The following CSNK1G2 variants were observed in gnomAD, a reference collection of about 807,000 sequenced individuals.
The protein encoded by CSNK1G2 is casein kinase 1 gamma 2, also known as casein kinase I isoform gamma-2.
Under a neutral mutation model 48.0 loss-of-function variants are expected in CSNK1G2, and 11 were observed. That is an observed-to-expected ratio of 0.23 (90% CI 0.14 to 0.38). CSNK1G2 has a LOEUF of 0.38. Ranked by LOEUF, CSNK1G2 falls within the 10% of genes least tolerant of loss-of-function variation. The pLI is 1.00. For synonymous variants in CSNK1G2, 337 were observed against 254.1 expected, an observed-to-expected ratio of 1.33 and a Z score of -3.10; for missense variants, 446 against 595.5, an observed-to-expected ratio of 0.75 and a Z score of 2.61.
intron 2 of CSNK1G2, among the ~76,000 whole-genome samples, chr19:1,973,949 A>G (rs1020665833): frequency 3.3e-5 from 5 of 151,904 alleles, no homozygotes; most frequent in Admixed American, 6.6e-5. Flanking sequence ...GTGCAGTGGT[A>G]CTATCTTGGC....
At chr19:1,970,870 G>A (rs1276499876) in intron 2 of CSNK1G2, among the ~76,000 whole-genome samples, 1 of 152,308 alleles carries the variant, frequency 6.6e-6, no homozygotes, top group South Asian at 2.1e-4. Flanking sequence ...TCGGCCTCAC[G>A]TGGGCACCCA....
intron 1 of CSNK1G2, among the ~76,000 whole-genome samples, chr19:1,967,668 T>A (rs1182102306): frequency 9.1e-6 from 1 of 109,690 alleles, no homozygotes; most frequent in African/African-American, 4.8e-5. Context: ...GTTCTGCAGG[T>A]GGGGCTCCTC....
At position 1,970,075 on chromosome 19, in the gene CSNK1G2, C is replaced by T. The variant is rs538802286; in HGVS notation, c.187+116C>T. ...CACTGGAGCCTCTGGCGGGGCCGCCCCATGTCACTGGCAGGTGCGTTGAAT... is the reference window on the plus strand; with the variant it reads ...CACTGGAGCCTCTGGCGGGGCCGCCTCATGTCACTGGCAGGTGCGTTGAAT... On this transcript the variant is annotated intron_variant, in intron 2 of 11. Coordinates refer to ENST00000255641, the MANE Select transcript of CSNK1G2 (RefSeq NM_001319.7). 3.5e-5 allele frequency: 27 copies of T among 766,062 alleles called. No individual in the cohort carries two copies. In the East Asian group the frequency reaches 6.0e-4, roughly 17 times the overall value. 47.5% of individuals were successfully genotyped at this position (766,062 alleles called of 1,614,324 possible).
At chr19:1,959,017 T>G (rs1327344438) in intron 1 of CSNK1G2, among the ~76,000 whole-genome samples, 1 of 145,788 alleles carries the variant, frequency 6.9e-6, no homozygotes, top group Non-Finnish European at 1.5e-5. Flanking sequence ...CCAGTCTGCA[T>G]CTCCATCTGC....
At position 1,979,946 on chromosome 19, in the gene CSNK1G2, C is replaced by G. The variant is rs150006074; in HGVS notation, c.1122C>G (p.Asp374Glu). 1 of 1,601,152 alleles carries G rather than the reference C, an allele frequency of 6.2e-7. No homozygotes were observed. The highest frequency in any genetic ancestry group is 8.5e-7 in the Non-Finnish European group (1 of 1,173,322). Residue 374 changes from aspartate to glutamate, a missense_variant, in exon 11 of 12, where the codon GAC becomes GAG. Transcript: ENST00000255641. ...CCACCAACGGGGAGCTGAATGCGGACGACCCCACGGCCGGCCACTCCAACG... is the reference window on the plus strand; with the variant it reads ...CCACCAACGGGGAGCTGAATGCGGAGGACCCCACGGCCGGCCACTCCAACG... ...LNSTNGELNA[D>E]DPTAGHSNAP...
intron 1 of CSNK1G2, among the ~76,000 whole-genome samples, chr19:1,958,232 G>A (rs1359531417): frequency 6.6e-6 from 1 of 151,820 alleles, no homozygotes; most frequent in East Asian, 1.9e-4. Context: ...TCTGTCCAGA[G>A]CACGGCTTCC....
intron 1 of CSNK1G2, among the ~76,000 whole-genome samples, chr19:1,964,733 G>GTTTTTTTTTTTTTT (rs750542107): frequency 7.2e-6 from 1 of 139,450 alleles, no homozygotes; most frequent in Non-Finnish European, 1.6e-5. Flanking sequence ...TTGTTTTTTT[G>GTTTTTTTTTTTTTT]TTTTTTTTTT....
At chr19:1,976,987 C>T (rs1034691665) in intron 2 of CSNK1G2, among the ~76,000 whole-genome samples, 3 of 152,208 alleles carry the variant, frequency 2.0e-5, no homozygotes, top group East Asian at 1.9e-4. Context: ...GATCCGCCTG[C>T]GTCAGCCTCC....
At chr19:1,979,281 C>G (rs766073943) in intron 7 of CSNK1G2, 33 bp downstream of exon 7, 2 of 1,570,480 alleles carry the variant, frequency 1.3e-6, no homozygotes, top group African/African-American at 1.4e-5. Flanking sequence ...CGGGCGGGGA[C>G]GCAGGGCGGG....
At chr19:1,953,796 C>T (rs1209335806) in intron 1 of CSNK1G2, 2 of 502,872 alleles carry the variant, frequency 4.0e-6, no homozygotes, top group East Asian at 5.6e-5. Context: ...AGGGTCCGGT[C>T]CTGGCCGCTG....
intron 2 of CSNK1G2, chr19:1,975,819 TGAC>T: frequency 1.0e-6 from 1 of 963,140 alleles, no homozygotes; most frequent in Non-Finnish European, 1.2e-6. Context: ...GCGGATCACC[TGAC>T]GTCAGGAGTT....
intron 1 of CSNK1G2, chr19:1,942,632 G>A (rs1482413837): frequency 6.6e-6 from 1 of 151,640 alleles, no homozygotes; most frequent in Non-Finnish European, 1.5e-5. Context: ...GCTCCTGTCT[G>A]GGGGAAAAAC....
rs1333444476 is a variant in CSNK1G2 at position 1,959,742 on chromosome 19, C to T, written c.-265-9766C>T. On this transcript the variant is annotated intron_variant, in intron 1 of 11. Coordinates refer to ENST00000255641, the MANE Select transcript of CSNK1G2 (RefSeq NM_001319.7). ...CTGAGTCCTCCAGCACCTGTGCCAC[C>T]TTTAGTGCCACCGTGGGTCCCCCAG... is the stretch of plus-strand genomic sequence containing the variant. 3.7e-5 allele frequency among the ~76,000 whole-genome samples: 4 copies of T among 108,222 alleles called. 1 individual carries two copies. The highest frequency in any genetic ancestry group is 6.8e-5 in the Non-Finnish European group (4 of 59,200). The allele number at this position is 108,222 out of a possible 152,430, so 71.0% of individuals were successfully genotyped here. A position where few individuals can be genotyped will look rare whatever the true frequency, so the allele number is the denominator to read the frequency against.
intron 1 of CSNK1G2, among the ~76,000 whole-genome samples, chr19:1,949,075 G>A (rs997269804): frequency 2.6e-5 from 4 of 152,164 alleles, no homozygotes; most frequent in Non-Finnish European, 4.4e-5. Context: ...AGAGGCTGGC[G>A]CCCTCAGGGC....
intron 1 of CSNK1G2, among the ~76,000 whole-genome samples, chr19:1,966,245 G>A (rs1368786456): frequency 1.3e-5 from 2 of 152,214 alleles, no homozygotes; most frequent in African/African-American, 2.4e-5. Flanking sequence ...TGAAGGACAC[G>A]CGTGATCCAT....
At chr19:1,977,533 G>A (rs1157097433) in intron 2 of CSNK1G2, among the ~76,000 whole-genome samples, 2 of 152,136 alleles carry the variant, frequency 1.3e-5, no homozygotes, top group African/African-American at 2.4e-5. Flanking sequence ...CAGGCAGATC[G>A]CTTGAGCTCA....
intron 1 of CSNK1G2, chr19:1,952,651 C>T (rs554053035): frequency 7.0e-5 from 12 of 172,458 alleles, no homozygotes; most frequent in African/African-American, 2.6e-4. Flanking sequence ...CCTTGAAGGC[C>T]CTTGATAGAT....
Position 1,980,331 on chromosome 19 carries a change from T to C in CSNK1G2, c.*128T>C, listed in dbSNP as rs1484101162. 8.4e-7 allele frequency: 1 copy of C among 1,192,136 alleles called. No homozygotes were observed. The highest frequency in any genetic ancestry group is 1.2e-6 in the Non-Finnish European group (1 of 818,256). The allele number at this position is 1,192,136 out of a possible 1,614,324, so 73.8% of individuals were successfully genotyped here. A position where few individuals can be genotyped will look rare whatever the true frequency, so the allele number is the denominator to read the frequency against. On this transcript the variant is annotated 3_prime_UTR_variant, in exon 12 of 12. Transcript: ENST00000255641. ...CCTGGCTGGAAGCCAGAACGCAGACTGCAGGGGCCGCGCCTGGCTCAGGCG... is the reference window on the plus strand; with the variant it reads ...CCTGGCTGGAAGCCAGAACGCAGACCGCAGGGGCCGCGCCTGGCTCAGGCG...
chr19:1,978,673 C>T lies in CSNK1G2; in HGVS notation c.370C>T (p.Pro124Ser). 6.2e-7 allele frequency: 1 copy of T among 1,607,226 alleles called. No individual in the cohort carries two copies. Among genetic ancestry groups the T allele is most frequent in the Non-Finnish European group, 8.5e-7 (1 of 1,177,276 alleles). The change falls in exon 5 of 12, where the codon CCC becomes TCC. Residue 124 changes from proline (P) to serine (S), a missense_variant. Around this residue, in one of 2 missense-constraint regions of CSNK1G2, gnomAD observed 258 missense variants for 415.9 expected, o/e 0.62. Transcript: ENST00000255641. This position sits in a 1 kb window ranked among gnomAD's most constrained non-coding sequence, Gnocchi z 7.3. ...CGCCATGGTGCTGGAGCTGCTGGGG[C>T]CCAGCCTGGAGGACCTGTTCGACCT... ...YNAMVLELLG[P>S]SLEDLFDLCD...
Sources: allele counts gnomAD v4.1 joint callset (sites outside exome capture counted in the v4.1 genomes callset), GRCh38; gene constraint gnomAD v4.1.1; regional missense constraint gnomAD v4.1.1; non-coding constraint Gnocchi (gnomAD v3.1); transcripts MANE v1.5; gene names NCBI Gene and HGNC (gene_info 2026-07-23, HGNC 2026-07-21).